Variants in TPTE observed in about 807,000 individuals in gnomAD.
TPTE encodes putative tyrosine-protein phosphatase TPTE.
Under a neutral mutation model 84.1 loss-of-function variants are expected in TPTE, and 59 were observed. That is an observed-to-expected ratio of 0.70 (90% CI 0.57 to 0.87). TPTE has a LOEUF of 0.87. Ranked by LOEUF, TPTE falls within the 40% of genes least tolerant of loss-of-function variation. The pLI is 0.00. For synonymous variants in TPTE, 130 were observed against 223.5 expected (o/e 0.58, Z 3.73); for missense variants, 382 against 659.6 (o/e 0.58, Z 4.61).
chr21:10,538,261 C>T (rs977175146), intron 3 of TPTE, among the ~76,000 whole-genome samples: 10 of 152,424 alleles, frequency 6.6e-5, no homozygotes, highest in Non-Finnish European at 1.5e-4. Context: ...GTGCTTGACT[C>T]AGACCTGCAG....
intron 17 of TPTE, among the ~76,000 whole-genome samples, chr21:10,583,895 A>G (rs953347064): frequency 1.3e-5 from 2 of 152,310 alleles, no homozygotes; most frequent in East Asian, 1.9e-4. Flanking sequence ...CAATAGCACA[A>G]CTATCTTACT....
intron 17 of TPTE, among the ~76,000 whole-genome samples, chr21:10,579,987 G>A (rs577487006): frequency 2.0e-5 from 3 of 152,424 alleles, no homozygotes; most frequent in South Asian, 4.1e-4. Flanking sequence ...CAGCGTACAA[G>A]GGGGTTCCCT....
At chr21:10,567,381 C>G (rs1240601055) in intron 10 of TPTE, among the ~76,000 whole-genome samples, 10 of 152,386 alleles carry the variant, frequency 6.6e-5, no homozygotes, top group Admixed American at 2.6e-4. Context: ...ACCCCATTGT[C>G]CACAATGAGG....
At chr21:10,536,098 C>A (rs1349540400) in intron 3 of TPTE, among the ~76,000 whole-genome samples, 2 of 152,306 alleles carry the variant, frequency 1.3e-5, no homozygotes, top group Non-Finnish European at 2.9e-5. Context: ...ACCAACATGG[C>A]AAAACCCTGT....
At chr21:10,564,742 A>T (rs1472774221) in intron 10 of TPTE, among the ~76,000 whole-genome samples, 2 of 152,312 alleles carry the variant, frequency 1.3e-5, no homozygotes, top group African/African-American at 2.4e-5. Flanking sequence ...ACAGTAAAGG[A>T]TAAAAACCAT....
chr21:10,576,661 A>T (rs2075157472), intron 14 of TPTE: 2 of 152,340 alleles, frequency 1.3e-5, no homozygotes, highest in Admixed American at 1.3e-4. Context: ...TGAGGGTACC[A>T]TACTAATCAG....
intron 8 of TPTE, among the ~76,000 whole-genome samples, chr21:10,556,815 T>C (rs2074693217): frequency 6.6e-6 from 1 of 152,310 alleles, no homozygotes; most frequent in African/African-American, 2.4e-5. Context: ...TTTTTTCATG[T>C]GTCTGTTGGC....
At chr21:10,587,572 G>C (rs1178759690) in intron 17 of TPTE, among the ~76,000 whole-genome samples, 1 of 151,986 alleles carries the variant, frequency 6.6e-6, no homozygotes, top group East Asian at 1.9e-4. Flanking sequence ...TTTTTGAGAG[G>C]GAGTTTCGCT....
intron 10 of TPTE, among the ~76,000 whole-genome samples, chr21:10,562,106 A>T (rs1169460281): frequency 6.6e-6 from 1 of 152,308 alleles, no homozygotes; most frequent in Non-Finnish European, 1.5e-5. Flanking sequence ...GGTAATGCAG[A>T]GAATTATCCT....
chr21:10,531,700 C>T (rs1020268024), intron 3 of TPTE, among the ~76,000 whole-genome samples: 1 of 152,312 alleles, frequency 6.6e-6, no homozygotes, highest in Admixed American at 6.5e-5. Flanking sequence ...TCTTCATTCT[C>T]TTCATGAAAT....
At chr21:10,535,813 A>G (rs1341002736) in intron 3 of TPTE, among the ~76,000 whole-genome samples, 8 of 152,428 alleles carry the variant, frequency 5.2e-5, no homozygotes, top group South Asian at 4.1e-4. Context: ...CAAACCCACA[A>G]TCATTTTGTA....
intron 3 of TPTE, among the ~76,000 whole-genome samples, chr21:10,537,421 G>T (rs1357574437): frequency 6.6e-6 from 1 of 152,310 alleles, no homozygotes; most frequent in Admixed American, 6.5e-5. Context: ...GCTCACGCCT[G>T]TAATCCCAGC....
chr21:10,576,585 T>G (rs1289952768), intron 14 of TPTE: 2 of 152,786 alleles, frequency 1.3e-5, no homozygotes, highest in Non-Finnish European at 2.9e-5. Flanking sequence ...ATAGCCAGTT[T>G]AATAAATGGA....
Position 10,598,053 on chromosome 21 carries a change from A to T in TPTE, c.1315A>T (p.Lys439Ter), listed in dbSNP as rs1299965815. The stretch of plus-strand genomic sequence containing the variant: ...TCTAAAAATCCAAATAGAAATGGAG[A>T]AAAAGGTTGTCTTTTCCACTATTTC... ...RDLKIQIEME[K>*]KVVFSTISLG... The change falls in exon 21 of 24, where the codon AAA becomes TAA. Residue 439 changes from lysine (K) to a stop codon, truncating the protein, a stop_gained. Coordinates refer to ENST00000618007, the MANE Select transcript of TPTE (RefSeq NM_199261.4). LOFTEE classifies it high-confidence loss of function. 6.2e-7 allele frequency: 1 copy of T among 1,613,674 alleles called. No homozygotes were observed. The highest frequency in any genetic ancestry group is 1.7e-5 in the Admixed American group (1 of 60,006).
intron 14 of TPTE, among the ~76,000 whole-genome samples, chr21:10,573,866 G>A (rs1407559171): frequency 1.3e-5 from 2 of 152,422 alleles, no homozygotes; most frequent in South Asian, 2.1e-4. Context: ...CCGAGGAGCG[G>A]CAACAAAACA....
intron 20 of TPTE, among the ~76,000 whole-genome samples, 158 bp downstream of exon 20, chr21:10,596,245 C>T (rs1377038713): frequency 1.3e-5 from 2 of 152,310 alleles, no homozygotes; most frequent in South Asian, 2.1e-4. Context: ...TGCCGCTCCT[C>T]CTGCAATTGC....
At chr21:10,551,967 A>G (rs1425336082) in intron 7 of TPTE, among the ~76,000 whole-genome samples, 1 of 152,308 alleles carries the variant, frequency 6.6e-6, no homozygotes, top group Non-Finnish European at 1.5e-5. Context: ...CTTAATCCTC[A>G]CTTGTGAAAG....
intron 17 of TPTE, among the ~76,000 whole-genome samples, chr21:10,588,485 G>T (rs1432105879): frequency 6.6e-6 from 1 of 152,310 alleles, no homozygotes; most frequent in Non-Finnish European, 1.5e-5. Flanking sequence ...GTGAGTATAT[G>T]CCTTGGTAAT....
chr21:10,556,880 G>A (rs2074694687), intron 8 of TPTE, among the ~76,000 whole-genome samples: 1 of 152,304 alleles, frequency 6.6e-6, no homozygotes, highest in South Asian at 2.1e-4. Flanking sequence ...CCCACTTTTT[G>A]ATGGGGTTGT....
Sources: allele counts gnomAD v4.1 joint callset (sites outside exome capture counted in the v4.1 genomes callset), GRCh38; gene constraint gnomAD v4.1.1; transcripts MANE v1.5; gene names NCBI Gene and HGNC (gene_info 2026-07-23, HGNC 2026-07-21).